REDIC1: variants seen among roughly 807,000 people sequenced by gnomAD.
The protein encoded by REDIC1 is HEI10 Interacting Protein 1.
At chr12:39,800,432 G>A in the REDIC1 span, among the ~76,000 whole-genome samples, 807 of 146,168 alleles carry the variant, frequency 5.5e-3, 8 homozygotes, top group African/African-American at 0.017. Context: ...AAAAGTGGGC[G>A]AAGGACATGA....
chr12:39,687,634 C>G, the REDIC1 span, among the ~76,000 whole-genome samples: 5 of 152,350 alleles, frequency 3.3e-5, no homozygotes, highest in South Asian at 1.0e-3. Context: ...ATCTCCAACA[C>G]TGGGGATTAT....
chr12:39,842,750 A>G, the REDIC1 span, among the ~76,000 whole-genome samples: 1 of 152,040 alleles, frequency 6.6e-6, no homozygotes, highest in Non-Finnish European at 1.5e-5. Context: ...TCATTGCTCA[A>G]GAATAAATCC....
the REDIC1 span, among the ~76,000 whole-genome samples, chr12:39,714,235 G>GCATGCATA: frequency 2.8e-5 from 2 of 71,718 alleles, no homozygotes; most frequent in African/African-American, 9.3e-5. Flanking sequence ...ATGCATATAT[G>GCATGCATA]TATATATGTA....
the REDIC1 span, among the ~76,000 whole-genome samples, chr12:39,823,507 T>C: frequency 6.6e-6 from 1 of 152,172 alleles, no homozygotes; most frequent in African/African-American, 2.4e-5. Context: ...TTGTAATACA[T>C]TTGGTCTTAT....
At chr12:39,696,556 A>AT in the REDIC1 span, among the ~76,000 whole-genome samples, 1 of 134,598 alleles carries the variant, frequency 7.4e-6, no homozygotes, top group African/African-American at 3.0e-5. Flanking sequence ...AAAAAAAAAA[A>AT]AAAAAAAAAA....
the REDIC1 span, among the ~76,000 whole-genome samples, chr12:39,743,169 G>A: frequency 6.6e-6 from 1 of 152,196 alleles, no homozygotes; most frequent in Admixed American, 6.5e-5. Context: ...AAGAGAAATT[G>A]TTTTATCACA....
chr12:39,712,909 GTATA>G, the REDIC1 span, among the ~76,000 whole-genome samples: 1 of 138,838 alleles, frequency 7.2e-6, no homozygotes, highest in Non-Finnish European at 1.6e-5. Flanking sequence ...GTGTATATAC[GTATA>G]TACATATGTG....
the REDIC1 span, among the ~76,000 whole-genome samples, chr12:39,666,820 T>A: frequency 1.3e-5 from 2 of 152,234 alleles, no homozygotes; most frequent in Non-Finnish European, 2.9e-5. Flanking sequence ...GAGGAATTTA[T>A]CCTTTTCTTC....
At chr12:39,819,976 C>T in the REDIC1 span, 1 of 152,146 alleles carries the variant, frequency 6.6e-6, no homozygotes, top group South Asian at 2.1e-4. Context: ...GGTATAAATG[C>T]CATACCAATG....
At chr12:39,878,854 G>A in the REDIC1 span, among the ~76,000 whole-genome samples, 13 of 152,228 alleles carry the variant, frequency 8.5e-5, no homozygotes, top group Non-Finnish European at 1.3e-4. Flanking sequence ...ATGGGAAAAA[G>A]TCTTGAAGGA....
At chr12:39,722,237 C>A in the REDIC1 span, among the ~76,000 whole-genome samples, 17 of 152,134 alleles carry the variant, frequency 1.1e-4, no homozygotes, top group Admixed American at 1.1e-3. Context: ...GAGACACCAA[C>A]AGCTAAAGTT....
chr12:39,688,054 T>C, the REDIC1 span, among the ~76,000 whole-genome samples: 4 of 152,212 alleles, frequency 2.6e-5, no homozygotes, highest in African/African-American at 9.7e-5. Flanking sequence ...TATGAATTCA[T>C]ATAAAGACAC....
chr12:39,656,146 C>A, the REDIC1 span, among the ~76,000 whole-genome samples: 1 of 152,112 alleles, frequency 6.6e-6, no homozygotes, highest in African/African-American at 2.4e-5. Context: ...TTGTAGGTTT[C>A]TTTTCTTGTA....
chr12:39,874,453 A>G, the REDIC1 span, among the ~76,000 whole-genome samples: 1 of 152,056 alleles, frequency 6.6e-6, no homozygotes. Context: ...ATCTCTATTA[A>G]AAATACAAAA....
chr12:39,659,839 T>C, the REDIC1 span, among the ~76,000 whole-genome samples: 2 of 152,188 alleles, frequency 1.3e-5, no homozygotes, highest in African/African-American at 4.8e-5. Flanking sequence ...TTTATTTTTA[T>C]GGCTGCTGGA....
chr12:39,706,381 T>C, the REDIC1 span, among the ~76,000 whole-genome samples: 1 of 152,022 alleles, frequency 6.6e-6, no homozygotes, highest in African/African-American at 2.4e-5. Context: ...ATGTCCATAC[T>C]ACCCTAAGCA....
the REDIC1 span, among the ~76,000 whole-genome samples, chr12:39,837,828 A>C: frequency 4.6e-5 from 7 of 152,054 alleles, no homozygotes; most frequent in Non-Finnish European, 1.0e-4. Flanking sequence ...AATCATTAAA[A>C]AGTCAGGAAA....
At chr12:39,846,388 T>A in the REDIC1 span, among the ~76,000 whole-genome samples, 1 of 152,166 alleles carries the variant, frequency 6.6e-6, no homozygotes, top group Non-Finnish European at 1.5e-5. Flanking sequence ...TAGAGAAAGA[T>A]CTTTCTCAGT....
the REDIC1 span, among the ~76,000 whole-genome samples, chr12:39,833,842 G>A: frequency 6.7e-6 from 1 of 150,188 alleles, no homozygotes; most frequent in African/African-American, 2.5e-5. Flanking sequence ...ATGGCACCTT[G>A]GAGCTCACAC....
Sources: gnomAD v4.1 joint callset for allele counts (sites outside exome capture counted in the v4.1 genomes callset) on GRCh38, gnomAD v4.1.1 for gene constraint, MANE v1.5 for transcripts, NCBI Gene and HGNC (gene_info 2026-07-23, HGNC 2026-07-21) for gene names.